Variants in HECTD4 observed in about 807,000 individuals in gnomAD.
HECTD4 encodes the protein HECT domain E3 ubiquitin protein ligase 4.
A neutral mutation model predicts 471.5 loss-of-function variants in HECTD4; 114 were observed. The observed-to-expected ratio is 0.24, with a 90% CI of 0.21 to 0.28. HECTD4 has a LOEUF of 0.28. Ranked by LOEUF, HECTD4 falls within the 10% of genes least tolerant of loss-of-function variation. The pLI is 1.00. For missense variants in HECTD4, 3,866 were observed against 5,651.5 expected, an observed-to-expected ratio of 0.68 and a Z score of 10.13; for synonymous variants, 2,012 against 2,256.0, an observed-to-expected ratio of 0.89 and a Z score of 3.07.
At chr12:112,303,036 G>A (rs1209629229) in intron 7 of HECTD4, among the ~76,000 whole-genome samples, 2 of 148,504 alleles carry the variant, frequency 1.3e-5, no homozygotes, top group Non-Finnish European at 1.5e-5. Flanking sequence ...TGTGGACAGG[G>A]TTGAGTCTTG....
chr12:112,342,042 C>T (rs951544170), intron 1 of HECTD4, among the ~76,000 whole-genome samples: 1 of 152,198 alleles, frequency 6.6e-6, no homozygotes, highest in Non-Finnish European at 1.5e-5. Flanking sequence ...TATAGCTTCA[C>T]TTTTTGATAT....
At chr12:112,290,851 AAAAAAACAAAAC>A (rs1428420210) in intron 7 of HECTD4, among the ~76,000 whole-genome samples, 3 of 148,248 alleles carry the variant, frequency 2.0e-5, no homozygotes, top group South Asian at 2.1e-4. Flanking sequence ...TCCGTCTCAA[AAAAAAACAAAAC>A]AAAAAAAAAA....
chr12:112,185,545 T>C, intron 60 of HECTD4, 52 bp from the exon 61 acceptor site: 1 of 1,387,054 alleles, frequency 7.2e-7, no homozygotes, highest in Non-Finnish European at 9.8e-7. Context: ...CTGGCTATGT[T>C]CCAGGCGCAG....
chr12:112,219,270 T>C (rs954210557), intron 45 of HECTD4, 116 bp downstream of exon 45: 5 of 597,714 alleles, frequency 8.4e-6, no homozygotes, highest in African/African-American at 7.5e-5. Flanking sequence ...TGCAAAAGAA[T>C]GCACCTCCAA....
At position 112,313,009 on chromosome 12, in the gene HECTD4, T is replaced by A. The variant is rs11066255; in HGVS notation, c.916+8A>T. The A allele has an allele frequency of 1.3e-6, 2 of 1,534,414 alleles. No individual in the cohort carries two copies. Among genetic ancestry groups the A allele is most frequent in the African/African-American group, 2.7e-5 (2 of 72,990 alleles). Reference sequence around the variant, plus strand: ...CTATTAATCACAGGACAAAAACTTTTACATTACCTTTATTTTCAGAACTGG... The same window carrying A: ...CTATTAATCACAGGACAAAAACTTTAACATTACCTTTATTTTCAGAACTGG... On this transcript the variant is annotated splice_region_variant and intron_variant, in intron 4 of 75. Coordinates refer to ENST00000682272, the MANE Select transcript of HECTD4 (RefSeq NM_001388303.1).
chr12:112,342,800 TG>T (rs1351361910), intron 1 of HECTD4, among the ~76,000 whole-genome samples: 1 of 152,230 alleles, frequency 6.6e-6, no homozygotes, highest in Non-Finnish European at 1.5e-5. Flanking sequence ...TCTTCTGTGA[TG>T]TCACAAGACA....
intron 7 of HECTD4, among the ~76,000 whole-genome samples, chr12:112,299,193 T>A (rs2035112331): frequency 6.6e-6 from 1 of 152,202 alleles, no homozygotes. Flanking sequence ...CTATTTTTTC[T>A]TTTTTGCTCA....
intron 60 of HECTD4, among the ~76,000 whole-genome samples, chr12:112,186,821 C>T (rs1163609056): frequency 6.6e-6 from 1 of 151,130 alleles, no homozygotes; most frequent in Non-Finnish European, 1.5e-5. Flanking sequence ...GCATGTGCCA[C>T]CACACCCAGC....
intron 1 of HECTD4, among the ~76,000 whole-genome samples, chr12:112,378,652 G>A (rs1247388885): frequency 6.6e-6 from 1 of 152,140 alleles, no homozygotes; most frequent in Non-Finnish European, 1.5e-5. Flanking sequence ...AAACTCTGTG[G>A]AAAATGGCCA....
Position 112,299,299 on chromosome 12 carries a change from T to C in HECTD4, c.1335+6765A>G, listed in dbSNP as rs1298555622. On this transcript the variant is annotated intron_variant, in intron 7 of 75. Transcript: ENST00000682272. ...CTTTAAAAATACGGACATTTTCTTA[T>C]GTATTTCACCACCATACTTAAAAAT... Among the ~76,000 whole-genome samples the C allele has an allele frequency of 3.3e-5, 5 of 152,246 alleles. No individual in the cohort carries two copies. In the South Asian group the frequency reaches 6.2e-4, roughly 19 times the overall value.
At chr12:112,208,705 C>CA in intron 50 of HECTD4, 75 bp from the exon 51 acceptor site, 1 of 1,342,662 alleles carries the variant, frequency 7.4e-7, no homozygotes, top group African/African-American at 1.5e-5. Flanking sequence ...CACCCTTAGA[C>CA]AAACCAGATT....
At chr12:112,341,379 C>A (rs567561783) in intron 1 of HECTD4, among the ~76,000 whole-genome samples, 1 of 152,284 alleles carries the variant, frequency 6.6e-6, no homozygotes, top group African/African-American at 2.4e-5. Context: ...TGCCTCTAAA[C>A]CTGTGGTTTG....
rs1458982697 is a variant in HECTD4, at chr12:112,163,775, C to G, written c.12702-38G>C. ...GGAGCACAGGTGAGGGAGAACACCGCCGAAGAGGCTGGGTCTGGGGGCCAC... is the reference window on the plus strand; with the variant it reads ...GGAGCACAGGTGAGGGAGAACACCGGCGAAGAGGCTGGGTCTGGGGGCCAC... On this transcript the variant is annotated intron_variant, in intron 73 of 75. Coordinates refer to ENST00000682272, the MANE Select transcript of HECTD4 (RefSeq NM_001388303.1). This position sits in a 1 kb window ranked among gnomAD's most constrained non-coding sequence, Gnocchi z 8.2. The G allele has an allele frequency of 1.4e-6, 2 of 1,415,994 alleles. No homozygotes were observed. The highest frequency in any genetic ancestry group is 3.1e-5 in the South Asian group (2 of 64,008). 87.7% of individuals were successfully genotyped at this position (1,415,994 alleles called of 1,614,324 possible). A position where few individuals can be genotyped will look rare whatever the true frequency, so the allele number is the denominator to read the frequency against.
At chr12:112,358,134 G>A (rs1004280034) in intron 1 of HECTD4, among the ~76,000 whole-genome samples, 39 of 152,264 alleles carry the variant, frequency 2.6e-4, no homozygotes, top group African/African-American at 9.4e-4. Flanking sequence ...AACCTGGGAG[G>A]CGTAGGTTGC....
Position 112,270,233 on chromosome 12 carries a change from G to A in HECTD4, c.2169C>T (p.Val723=), listed in dbSNP as rs2034383786. 1 of 1,611,340 alleles carries A rather than the reference G, an allele frequency of 6.2e-7. No individual in the cohort carries two copies. Among genetic ancestry groups the A allele is most frequent in the African/African-American group, 1.3e-5 (1 of 74,848 alleles). The change falls in exon 12 of 76, where the codon GTC becomes GTT. Residue 723 remains valine (V), a synonymous_variant. Transcript: ENST00000682272. ...DTCIIRCILV[V]FQVVFKFFFS... is the part of the protein sequence containing the mutation. ...TTCAAAACAGTGTATTTACCTGAAA[G>A]ACAACGAGAATGCAGCGTATAATAC...
intron 1 of HECTD4, among the ~76,000 whole-genome samples, chr12:112,362,889 A>G (rs1387964017): frequency 6.6e-6 from 1 of 151,902 alleles, no homozygotes; most frequent in African/African-American, 2.4e-5. Context: ...TTTAGTAGAG[A>G]CGGGGTTCCA....
At chr12:112,275,038 CT>C in intron 9 of HECTD4, 78 bp from the exon 10 acceptor site, 1 of 877,344 alleles carries the variant, frequency 1.1e-6, no homozygotes, top group Non-Finnish European at 1.8e-6. Flanking sequence ...TTTAACAAGA[CT>C]TTTATAAAAA....
Position 112,192,843 on chromosome 12 carries a change from A to G in HECTD4, c.9087-78T>C, listed in dbSNP as rs1436615679. On this transcript the variant is annotated intron_variant, in intron 58 of 75. Transcript: ENST00000682272. ...GGACAGGCAGCTTTGCCTTCTCACC[A>G]GGGGACGTTAGATGAGAACTGGGCC... 3.1e-6 allele frequency: 4 copies of G among 1,309,120 alleles called. No individual in the cohort carries two copies. The African/African-American group carries it at 4.4e-5, about 14-fold the overall frequency. The allele number at this position is 1,309,120 out of a possible 1,614,324, so 81.1% of individuals were successfully genotyped here. A position where few individuals can be genotyped will look rare whatever the true frequency, so the allele number is the denominator to read the frequency against.
Position 112,212,611 on chromosome 12 carries a change from G to A in HECTD4, c.7505C>T (p.Thr2502Ile). 6.2e-7 allele frequency: 1 copy of A among 1,613,780 alleles called. No homozygotes were observed. Among genetic ancestry groups the A allele is most frequent in the Non-Finnish European group, 8.5e-7 (1 of 1,179,852 alleles). ...AGIGWERTEG[T>I]PPPPGQPAKG... ...GGCTGGCTGTCCCGGAGGAGGTGGAGTCCCCTCAGTTCTCTCCCAGCCAAT... is the reference window on the plus strand; with the variant it reads ...GGCTGGCTGTCCCGGAGGAGGTGGAATCCCCTCAGTTCTCTCCCAGCCAAT... The change falls in exon 49 of 76, where the codon ACT becomes ATT. Residue 2502 changes from threonine to isoleucine, a missense_variant. Physicochemically the swap from Thr to Ile is moderately conservative, Grantham distance 89 (BLOSUM62 -1). Transcript: ENST00000682272.
Sources: allele counts gnomAD v4.1 joint callset (sites outside exome capture counted in the v4.1 genomes callset), GRCh38; gene constraint gnomAD v4.1.1; non-coding constraint Gnocchi (gnomAD v3.1); transcripts MANE v1.5; gene names NCBI Gene and HGNC (gene_info 2026-07-23, HGNC 2026-07-21).